Variants in HIBCH observed in about 807,000 individuals in gnomAD.
HIBCH encodes the protein 3-hydroxyisobutyryl-CoA hydrolase, also known as 3-hydroxyisobutyryl-CoA hydrolase, mitochondrial.
In HIBCH, 50 loss-of-function variants were observed where a neutral mutation model predicts 58.2. That is an observed-to-expected ratio of 0.86 (90% confidence interval 0.68 to 1.09). The LOEUF (loss-of-function observed/expected upper bound fraction) is 1.09. Among genes scored for constraint, HIBCH ranks in the 50% least tolerant of loss-of-function variants. The pLI is 0.00. For missense variants in HIBCH, 450 were observed against 449.7 expected (o/e 1.00, Z -0.01); for synonymous variants, 151 against 146.9 (o/e 1.03, Z -0.20).
intron 11 of HIBCH, among the ~76,000 whole-genome samples, chr2:190,230,564 G>T (rs1026512663): frequency 6.6e-6 from 1 of 152,268 alleles, no homozygotes; most frequent in South Asian, 2.1e-4. Context: ...GTGTGGTGGC[G>T]CGTGCCTATA....
downstream of HIBCH, chr2:190,200,321 T>A: frequency 1.6e-6 from 1 of 614,068 alleles, no homozygotes; most frequent in Non-Finnish European, 2.9e-6. Flanking sequence ...TACTTCTATG[T>A]TAACAGCAAT....
intron 11 of HIBCH, among the ~76,000 whole-genome samples, chr2:190,239,093 T>C (rs1686373180): frequency 6.6e-6 from 1 of 152,338 alleles, no homozygotes; most frequent in Middle Eastern, 3.4e-3. Flanking sequence ...GTTTTTATGG[T>C]TTTAGGTCTT....
At chr2:190,201,435 G>A (rs1016250671), downstream of HIBCH, 4 of 166,908 alleles carry the variant, frequency 2.4e-5, no homozygotes, top group African/African-American at 9.7e-5. Flanking sequence ...GAGTTTAAAT[G>A]GAAAGGAAAT....
intron 2 of HIBCH, among the ~76,000 whole-genome samples, chr2:190,309,900 T>C (rs79661511): frequency 0.013 from 1,982 of 152,258 alleles, 53 homozygotes; most frequent in African/African-American, 0.044. Flanking sequence ...GGATGAAAAG[T>C]ATTTTTCCTG....
At chr2:190,240,921 C>T (rs1413360165) in intron 11 of HIBCH, among the ~76,000 whole-genome samples, 1 of 152,090 alleles carries the variant, frequency 6.6e-6, no homozygotes, top group Non-Finnish European at 1.5e-5. Context: ...AGAATAAGTG[C>T]TATGTGGTAC....
rs1195644732 is a variant in HIBCH at position 190,315,882 on chromosome 2, C to T, written c.35+3834G>A. Among the ~76,000 whole-genome samples, 3 of 151,870 alleles carry T rather than the reference C, an allele frequency of 2.0e-5. No homozygotes were observed. Among genetic ancestry groups the T allele is most frequent in the Non-Finnish European group, 4.4e-5 (3 of 67,990 alleles). On this transcript the variant is annotated intron_variant, in intron 1 of 13. Transcript: ENST00000359678. The surrounding 1 kb of genome is among the most constrained non-coding windows in gnomAD (Gnocchi z 5.4). ...GAAAGAAGCTAGCTGGTTTGCAGGA[C>T]GAAATACAAATTCAATTTTTTGAAT...
At chr2:190,195,227 G>A (rs772876720) in intron 1 of HIBCH, among the ~76,000 whole-genome samples, 7 of 152,150 alleles carry the variant, frequency 4.6e-5, no homozygotes, top group Non-Finnish European at 8.8e-5. Context: ...CATTCACCAA[G>A]AAGGACATCT....
chr2:190,284,635 A>C lies in HIBCH; in HGVS notation c.438+2951T>G, dbSNP rs192644650. 6.3e-3 allele frequency among the ~76,000 whole-genome samples: 953 copies of C among 152,312 alleles called. 9 individuals carry two copies. Among genetic ancestry groups the C allele is most frequent in the African/African-American group, 0.022 (904 of 41,570 alleles). ...GATCCTAACTACTTCACAACTTCTCAACCCATTGACTTCTGTCACATTGTG... is the reference window on the plus strand; with the variant it reads ...GATCCTAACTACTTCACAACTTCTCCACCCATTGACTTCTGTCACATTGTG... On this transcript the variant is annotated intron_variant, in intron 6 of 13. Transcript: ENST00000359678.
In HIBCH at chr2:190,236,816, C is replaced by T. The variant is rs1442784463; in HGVS notation, c.891+8071G>A. Among the ~76,000 whole-genome samples, 3 of 152,116 alleles carry T rather than the reference C, an allele frequency of 2.0e-5. No homozygotes were observed. The highest frequency in any genetic ancestry group is 2.9e-5 in the Non-Finnish European group (2 of 68,000). ...AATGAAAAGATACTATCTAAAGATACAAGTACTACTATTTTATGTTTCCTA... is the reference window on the plus strand; with the variant it reads ...AATGAAAAGATACTATCTAAAGATATAAGTACTACTATTTTATGTTTCCTA... On this transcript the variant is annotated intron_variant, in intron 11 of 13. Coordinates refer to ENST00000359678, the MANE Select transcript of HIBCH (RefSeq NM_014362.4). This position sits in a 1 kb window ranked among gnomAD's most constrained non-coding sequence, Gnocchi z 4.1.
chr2:190,244,620 A>C (rs879108516), intron 11 of HIBCH, among the ~76,000 whole-genome samples: 1 of 152,194 alleles, frequency 6.6e-6, no homozygotes, highest in South Asian at 2.1e-4. Flanking sequence ...TTGGAAATGA[A>C]GCATGCTTAC....
At chr2:190,278,189 G>A (rs1475272298) in intron 6 of HIBCH, among the ~76,000 whole-genome samples, 1 of 151,980 alleles carries the variant, frequency 6.6e-6, no homozygotes, top group Non-Finnish European at 1.5e-5. Flanking sequence ...CTAAACTAGA[G>A]ATGGGGCAGG....
intron 12 of HIBCH, among the ~76,000 whole-genome samples, chr2:190,212,278 TATTAC>T (rs71027205): frequency 0.015 from 2,350 of 152,294 alleles, 64 homozygotes; most frequent in African/African-American, 0.052. Flanking sequence ...TCTTAATAAC[TATTAC>T]ATTAAAGTCA....
chr2:190,273,947 C>G (rs1687476434), intron 6 of HIBCH, among the ~76,000 whole-genome samples: 1 of 152,028 alleles, frequency 6.6e-6, no homozygotes, highest in Non-Finnish European at 1.5e-5. Context: ...GTAGCTGGGA[C>G]TACAGGCATG....
At chr2:190,241,152 G>A (rs1686442338) in intron 11 of HIBCH, among the ~76,000 whole-genome samples, 1 of 152,178 alleles carries the variant, frequency 6.6e-6, no homozygotes, top group Admixed American at 6.5e-5. Context: ...GAATCTGGGT[G>A]CTCCTGTATT....
intron 8 of HIBCH, chr2:190,250,570 C>T (rs1239961309): frequency 1.2e-5 from 3 of 249,194 alleles, no homozygotes; most frequent in African/African-American, 6.8e-5. Context: ...ATCCTAAATT[C>T]CACTGTAATC....
chr2:190,190,998 G>A (rs949449197), intron 1 of HIBCH, among the ~76,000 whole-genome samples: 3 of 152,058 alleles, frequency 2.0e-5, no homozygotes, highest in Non-Finnish European at 4.4e-5. Context: ...CCTTTTTCCA[G>A]AATGTCATAT....
chr2:190,277,623 A>T (rs896185741), intron 6 of HIBCH, among the ~76,000 whole-genome samples: 1 of 152,216 alleles, frequency 6.6e-6, no homozygotes, highest in Non-Finnish European at 1.5e-5. Context: ...GAGTTCCTTC[A>T]TAATAAATTG....
At position 190,209,918 on chromosome 2, in the gene HIBCH, C is replaced by T. The variant is rs4853502; in HGVS notation, c.1012-1005G>A. On this transcript the variant is annotated intron_variant, in intron 12 of 13. Transcript: ENST00000359678. The surrounding 1 kb of genome is among the most constrained non-coding windows in gnomAD (Gnocchi z 5.6). ...ATGAAAAGGTAATTTATATATCCAT[C>T]CTAGGATTATTTTAATCCACATCCA... Among the ~76,000 whole-genome samples, 3 of 152,184 alleles carry T rather than the reference C, an allele frequency of 2.0e-5. No homozygotes were observed. Among genetic ancestry groups the T allele is most frequent in the Admixed American group, 2.0e-4 (3 of 15,280 alleles).
downstream of HIBCH, chr2:190,200,428 A>C: frequency 3.4e-6 from 1 of 298,496 alleles, no homozygotes; most frequent in Non-Finnish European, 6.7e-6. Context: ...CTTCCTAAGT[A>C]ATGGCATCAC....
Sources: gnomAD v4.1 joint callset for allele counts (sites outside exome capture counted in the v4.1 genomes callset) on GRCh38, gnomAD v4.1.1 for gene constraint, Gnocchi (gnomAD v3.1) non-coding constraint, MANE v1.5 for transcripts, NCBI Gene and HGNC (gene_info 2026-07-23, HGNC 2026-07-21) for gene names.